Variants in PRKCI observed in about 807,000 individuals in gnomAD.
PRKCI encodes the protein protein kinase C iota, also known as protein kinase C iota type.
In PRKCI, 43 loss-of-function variants were observed where a neutral mutation model predicts 84.0. The observed-to-expected ratio is 0.51, with a 90% CI of 0.40 to 0.66. PRKCI has a LOEUF of 0.66. Among genes scored for constraint, PRKCI ranks in the 30% least tolerant of loss-of-function variants. The pLI is 0.00. For synonymous variants in PRKCI, 216 were observed against 234.4 expected (o/e 0.92, Z 0.72); for missense variants, 459 against 745.6 (o/e 0.62, Z 4.48).
At chr3:170,293,171 C>G (rs892641338) in intron 13 of PRKCI, among the ~76,000 whole-genome samples, 8 of 151,004 alleles carry the variant, frequency 5.3e-5, no homozygotes, top group African/African-American at 1.9e-4. Flanking sequence ...TTTTTTTTCT[C>G]ATAATTTTAT....
chr3:170,302,973 A>G (rs1577380600), intron 17 of PRKCI, 67 bp from the exon 18 acceptor site: 2 of 1,144,764 alleles, frequency 1.7e-6, no homozygotes, highest in East Asian at 5.1e-5. Context: ...TTTTAATCTT[A>G]TTTTACCATT....
At chr3:170,255,732 C>T (rs1447309133) in intron 2 of PRKCI, among the ~76,000 whole-genome samples, 1 of 152,128 alleles carries the variant, frequency 6.6e-6, no homozygotes, top group Non-Finnish European at 1.5e-5. Flanking sequence ...TTGTCTTGTT[C>T]CAAATCTTAG....
At chr3:170,244,698 A>G (rs1733224367) in intron 2 of PRKCI, 1 of 152,196 alleles carries the variant, frequency 6.6e-6, no homozygotes, top group Admixed American at 6.5e-5. Flanking sequence ...ATTTTATTAC[A>G]TGTACACGGG....
In PRKCI at chr3:170,222,661, A is replaced by C. The variant is rs542458816; in HGVS notation, c.-9A>C. The C allele has an allele frequency of 1.3e-6, 2 of 1,564,674 alleles. No homozygotes were observed. The highest frequency in any genetic ancestry group is 2.7e-5 in the African/African-American group (2 of 72,982). ...CCGGCCTCCAGCGTTGAGGCGGGGG[A>C]GTGAGGAGATGCCGACCCAGAGGGA... On this transcript the variant is annotated 5_prime_UTR_variant, in exon 1 of 18. Transcript: ENST00000295797.
chr3:170,235,375 C>T, intron 2 of PRKCI, 24 bp downstream of exon 2: 5 of 1,610,780 alleles, frequency 3.1e-6, no homozygotes, highest in Non-Finnish European at 4.2e-6. Context: ...ACAGGGCTGC[C>T]TGTGTAAGCA....
chr3:170,263,951 G>A (rs958337411), intron 4 of PRKCI, among the ~76,000 whole-genome samples: 3 of 152,158 alleles, frequency 2.0e-5, no homozygotes, highest in African/African-American at 7.2e-5. Flanking sequence ...ATTGCCTGTT[G>A]CACATATGAA....
chr3:170,285,581 T>G (rs1734360658), intron 12 of PRKCI, among the ~76,000 whole-genome samples: 1 of 152,146 alleles, frequency 6.6e-6, no homozygotes, highest in Non-Finnish European at 1.5e-5. Flanking sequence ...CTGGAGATTA[T>G]CTAAATGCTA....
chr3:170,276,685 C>G (rs1024140125), intron 8 of PRKCI, among the ~76,000 whole-genome samples: 1 of 152,040 alleles, frequency 6.6e-6, no homozygotes, highest in African/African-American at 2.4e-5. Flanking sequence ...TATAAAAATC[C>G]TAGAAGAAAA....
chr3:170,280,009 A>G lies in PRKCI; in HGVS notation c.706-218A>G, dbSNP rs187236903. On this transcript the variant is annotated intron_variant, in intron 8 of 17. Transcript: ENST00000295797. ...TTTTTGTGATTTCAACTCCCTCCCCATTCTTATTACCATCCCTCTTATCTC... is the reference window on the plus strand; with the variant it reads ...TTTTTGTGATTTCAACTCCCTCCCCGTTCTTATTACCATCCCTCTTATCTC... 737 of 376,538 alleles carry G rather than the reference A, an allele frequency of 2.0e-3. 11 individuals are homozygous for G. The highest frequency in any genetic ancestry group is 0.015 in the African/African-American group (697 of 48,052). The allele number at this position is 376,538 out of a possible 1,614,324, so 23.3% of individuals were successfully genotyped here. A position where few individuals can be genotyped will look rare whatever the true frequency, so the allele number is the denominator to read the frequency against.
intron 12 of PRKCI, among the ~76,000 whole-genome samples, chr3:170,287,745 A>C (rs763217284): frequency 6.0e-5 from 9 of 151,224 alleles, no homozygotes; most frequent in African/African-American, 2.2e-4. Context: ...TCTTGTCTCT[A>C]CTAAAAACAC....
intron 12 of PRKCI, among the ~76,000 whole-genome samples, chr3:170,290,509 A>G (rs537055270): frequency 6.6e-6 from 1 of 151,918 alleles, no homozygotes; most frequent in East Asian, 1.9e-4. Flanking sequence ...ACGTACATAT[A>G]TTCTACATGT....
chr3:170,274,178 C>T (rs915941158), intron 7 of PRKCI, among the ~76,000 whole-genome samples: 1 of 152,096 alleles, frequency 6.6e-6, no homozygotes, highest in African/African-American at 2.4e-5. Flanking sequence ...GTTGCCCAAG[C>T]TGGAATGCAG....
At position 170,303,244 on chromosome 3, in the gene PRKCI, A is replaced by G. The variant is rs537460553; in HGVS notation, c.*117A>G. 44 of 644,710 alleles carry G rather than the reference A, an allele frequency of 6.8e-5. No homozygotes were observed. In the East Asian group the frequency reaches 1.0e-3, roughly 15 times the overall value. The allele number at this position is 644,710 out of a possible 1,614,324, so 39.9% of individuals were successfully genotyped here. On this transcript the variant is annotated 3_prime_UTR_variant, in exon 18 of 18. Coordinates refer to ENST00000295797, the MANE Select transcript of PRKCI (RefSeq NM_002740.6). The stretch of plus-strand genomic sequence containing the variant: ...TTTGCCACCTACAAAAAAACACCCA[A>G]TATCTTCTCTTGTAGACTATATGAA...
intron 16 of PRKCI, among the ~76,000 whole-genome samples, 154 bp downstream of exon 16, chr3:170,297,547 C>T (rs564057656): frequency 2.0e-5 from 3 of 152,056 alleles, no homozygotes; most frequent in East Asian, 3.9e-4. Flanking sequence ...CTCCGCCTCG[C>T]GAGTTCAAGC....
At chr3:170,302,146 C>T (rs1249525402) in intron 17 of PRKCI, among the ~76,000 whole-genome samples, 2 of 152,146 alleles carry the variant, frequency 1.3e-5, no homozygotes, top group Admixed American at 1.3e-4. Context: ...CATCACTGGC[C>T]TCTTTGATTT....
At chr3:170,263,040 G>A (rs1454216834) in intron 3 of PRKCI, among the ~76,000 whole-genome samples, 4 of 151,558 alleles carry the variant, frequency 2.6e-5, no homozygotes, top group South Asian at 4.2e-4. Flanking sequence ...ATGGTGGCGC[G>A]TGCCTGTAGT....
chr3:170,242,143 T>TA (rs754794097), intron 2 of PRKCI, among the ~76,000 whole-genome samples: 1 of 152,084 alleles, frequency 6.6e-6, no homozygotes, highest in Non-Finnish European at 1.5e-5. Context: ...AGGGTCTTGT[T>TA]ACATTGTTGC....
chr3:170,273,168 C>A, intron 6 of PRKCI, 118 bp from the exon 7 acceptor site: 1 of 796,986 alleles, frequency 1.3e-6, no homozygotes, highest in Non-Finnish European at 2.0e-6. Flanking sequence ...TAAATTCTCA[C>A]TTAAGTTATA....
intron 2 of PRKCI, among the ~76,000 whole-genome samples, chr3:170,237,981 GAC>G (rs1158304841): frequency 6.6e-6 from 1 of 152,046 alleles, no homozygotes; most frequent in Non-Finnish European, 1.5e-5. Context: ...CATGACAAAT[GAC>G]ATACAGCTGA....
Sources: allele counts gnomAD v4.1 joint callset (sites outside exome capture counted in the v4.1 genomes callset), GRCh38; gene constraint gnomAD v4.1.1; transcripts MANE v1.5; gene names NCBI Gene and HGNC (gene_info 2026-07-23, HGNC 2026-07-21).